ZNF75D: variants seen among roughly 807,000 people sequenced by gnomAD.
The protein encoded by ZNF75D is zinc finger protein 75.
ZNF75D carries 33 observed loss-of-function variants against 33.3 expected under a neutral mutation model. The ratio of observed to expected loss-of-function variants is 0.99; its 90% CI spans 0.75 to 1.32. The LOEUF is 1.32. Among genes scored for constraint, ZNF75D ranks in the 40% most tolerant of loss-of-function variants. ZNF75D has a pLI of 0.00. For missense variants in ZNF75D, 338 were observed against 367.5 expected (o/e 0.92, Z 0.66); for synonymous variants, 113 against 130.6 (o/e 0.87, Z 0.92).
rs1442675535 is a variant in ZNF75D at position 135,332,184 on chromosome X, T to C, written c.-391+9584A>G. Among the ~76,000 whole-genome samples, 5 of 111,795 alleles carry C rather than the reference T, an allele frequency of 4.5e-5. No homozygotes were observed. The East Asian group carries it at 1.1e-3, about 25-fold the overall frequency. On this transcript the variant is annotated intron_variant, in intron 1 of 6. Transcript: ENST00000370766. ...GAGGCCGATAACAGCCAACCTCCTA[T>C]ACCCCATGGCCACACAACTGAAGAG...
intron 1 of ZNF75D, among the ~76,000 whole-genome samples, chrX:135,277,941 T>C (rs925452326): frequency 8.9e-6 from 1 of 112,380 alleles, no homozygotes; most frequent in Non-Finnish European, 1.9e-5. Flanking sequence ...AGCTTTGTTC[T>C]TTTTGCTTAG....
intron 6 of ZNF75D, among the ~76,000 whole-genome samples, chrX:135,289,744 T>G (rs1303299383): frequency 2.7e-5 from 3 of 111,132 alleles, no homozygotes; most frequent in Non-Finnish European, 5.7e-5. Flanking sequence ...TTAATATGTA[T>G]CACCTTAGAG....
rs1556420199 is a variant in ZNF75D, at chrX:135,287,805, A to G, written c.865T>C (p.Ser289Pro). 8.3e-7 allele frequency: 1 copy of G among 1,207,097 alleles called. No individual in the cohort carries two copies. Among genetic ancestry groups the G allele is most frequent in the African/African-American group, 1.7e-5 (1 of 57,242 alleles). The part of the protein sequence containing the change: ...KNDTGNDHPI[S>P]VSTSEIQTSG... ...GTTTGTATTTCTGATGTAGAAACAG[A>G]TATAGGATGATCATTTCCAGTGTCA... The change falls in exon 7 of 7, where the codon TCT (serine) becomes CCT (proline). Residue 289 changes from serine (S) to proline (P), a missense_variant. Physicochemically the swap from Ser to Pro is moderately conservative, Grantham distance 74. Around this residue, in one of 3 missense-constraint regions of ZNF75D, gnomAD observed 254 missense variants for 267.7 expected, o/e 0.95. Coordinates refer to ENST00000370766, the MANE Select transcript of ZNF75D (RefSeq NM_007131.5).
At chrX:135,294,811 C>A (rs1556422309) in intron 2 of ZNF75D, among the ~76,000 whole-genome samples, 2 of 111,591 alleles carry the variant, frequency 1.8e-5, no homozygotes, top group African/African-American at 6.5e-5. Context: ...ACAGCAAGAT[C>A]AGAGTAGAAG....
intron 4 of ZNF75D, 126 bp downstream of exon 4, chrX:135,292,155 A>T: frequency 1.5e-6 from 1 of 647,310 alleles, no homozygotes; most frequent in Non-Finnish European, 2.4e-6. Context: ...AACCCACTGT[A>T]CTCCCACCTG....
chrX:135,269,715 C>A (rs1197047508), intron 1 of ZNF75D, among the ~76,000 whole-genome samples: 1 of 111,421 alleles, frequency 9.0e-6, no homozygotes, highest in Non-Finnish European at 1.9e-5. Context: ...AAAAATAGAG[C>A]TACCACAGGA....
At chrX:135,284,840 C>T (rs73574659), downstream of ZNF75D, among the ~76,000 whole-genome samples, 10 of 111,820 alleles carry the variant, frequency 8.9e-5, no homozygotes, top group African/African-American at 3.2e-4. Context: ...TTTGCTGATT[C>T]TCATGAGTAT....
At chrX:135,266,749 A>G (rs555396732) in intron 1 of ZNF75D, among the ~76,000 whole-genome samples, 3 of 112,283 alleles carry the variant, frequency 2.7e-5, no homozygotes, top group African/African-American at 9.7e-5. Flanking sequence ...AAGAAACATC[A>G]AAGTTAATCT....
chrX:135,332,274 GTAGCA>G (rs782107558), intron 1 of ZNF75D, among the ~76,000 whole-genome samples: 1 of 111,656 alleles, frequency 9.0e-6, no homozygotes, highest in Non-Finnish European at 1.9e-5. Context: ...GAGAAAACAA[GTAGCA>G]TAGAAGGGTC....
At chrX:135,296,080 G>A (rs1279423394) in intron 1 of ZNF75D, 41 bp from the exon 2 acceptor site, 1 of 111,024 alleles carries the variant, frequency 9.0e-6, no homozygotes, top group Non-Finnish European at 1.9e-5. Context: ...TGCATTTCCG[G>A]TGGCTTTGTG....
chrX:135,315,120 G>T (rs1426696915), intron 1 of ZNF75D, among the ~76,000 whole-genome samples: 1 of 111,838 alleles, frequency 8.9e-6, no homozygotes. Flanking sequence ...GTATTCCACA[G>T]GTGTTGTTAT....
chrX:135,328,038 T>G (rs1569494905), intron 1 of ZNF75D, among the ~76,000 whole-genome samples: 1 of 112,101 alleles, frequency 8.9e-6, no homozygotes, highest in Non-Finnish European at 1.9e-5. Context: ...GTGACCCATA[T>G]GGGTATTGTC....
chrX:135,315,982 T>C (rs1371795103), intron 1 of ZNF75D, among the ~76,000 whole-genome samples: 1 of 112,203 alleles, frequency 8.9e-6, no homozygotes, highest in Non-Finnish European at 1.9e-5. Flanking sequence ...TGTTTTCTGG[T>C]TATTTTGTAT....
intron 1 of ZNF75D, among the ~76,000 whole-genome samples, chrX:135,325,813 C>G (rs1476450647): frequency 8.9e-6 from 1 of 112,631 alleles, no homozygotes; most frequent in Non-Finnish European, 1.9e-5. Flanking sequence ...CCAGTCCCAT[C>G]GACCACCCAA....
Position 135,294,170 on chromosome X carries a change from G to T in ZNF75D, c.-30C>A. 1 of 1,137,160 alleles carries T rather than the reference G, an allele frequency of 8.8e-7. No individual in the cohort carries two copies. The highest frequency in any genetic ancestry group is 2.1e-5 in the South Asian group (1 of 47,551). 93.7% of individuals were successfully genotyped at this position (1,137,160 alleles called of 1,213,427 possible). On this transcript the variant is annotated 5_prime_UTR_variant, in exon 3 of 7. Transcript: ENST00000370766. ...TCTAGGAACAGTTTTACTCTTGTAT[G>T]TGACACTGACACCCACCTGGTACCA...
rs995051863 is a variant in ZNF75D, at chrX:135,274,713, T to C, written n.828-18936A>G. ...TTAAAAGTGAAAGAATTGTGTACAG[T>C]GAATGGGATAAATATTTTAGGCAAA... is the stretch of plus-strand genomic sequence containing the variant. On this transcript the variant is annotated intron_variant and non_coding_transcript_variant, in intron 1 of 3. Coordinates refer to the ZNF75D transcript ENST00000494295. Among the ~76,000 whole-genome samples the C allele has an allele frequency of 6.2e-5, 7 of 112,299 alleles. 1 individual carries two copies. Among genetic ancestry groups the C allele is most frequent in the African/African-American group, 2.3e-4 (7 of 30,954 alleles).
chrX:135,276,240 G>A (rs1463740639), intron 1 of ZNF75D, among the ~76,000 whole-genome samples: 1 of 111,961 alleles, frequency 8.9e-6, no homozygotes, highest in Non-Finnish European at 1.9e-5. Context: ...TAAAAACAGT[G>A]TTGTACTGGC....
chrX:135,299,978 C>T (rs2084191727), intron 1 of ZNF75D, among the ~76,000 whole-genome samples: 1 of 112,192 alleles, frequency 8.9e-6, no homozygotes, highest in Non-Finnish European at 1.9e-5. Flanking sequence ...ATCTAAATGT[C>T]TAGTCTTATG....
At chrX:135,270,386 T>C (rs2083878717) in intron 1 of ZNF75D, among the ~76,000 whole-genome samples, 2 of 91,980 alleles carry the variant, frequency 2.2e-5, no homozygotes, top group African/African-American at 4.1e-5. Context: ...TATATATATA[T>C]ATATATACAC....
Sources: allele counts gnomAD v4.1 joint callset (sites outside exome capture counted in the v4.1 genomes callset), GRCh38; gene constraint gnomAD v4.1.1; regional missense constraint gnomAD v4.1.1; transcripts MANE v1.5; gene names NCBI Gene and HGNC (gene_info 2026-07-23, HGNC 2026-07-21).